Variants in MID1 observed in about 807,000 individuals in gnomAD.
MID1 encodes midline 1.
In MID1, 7 loss-of-function variants were observed where a neutral mutation model predicts 40.4. The observed-to-expected ratio is 0.17, with a 90% CI of 0.10 to 0.33. The LOEUF (loss-of-function observed/expected upper bound fraction) is 0.33, where lower values mean the gene tolerates loss of function less well. Ranked by LOEUF, MID1 falls within the 10% of genes least tolerant of loss-of-function variation. The pLI is 1.00. For synonymous variants in MID1, 229 were observed against 221.2 expected (o/e 1.04, Z -0.31); for missense variants, 367 against 558.5 (o/e 0.66, Z 3.46).
intron 7 of MID1, among the ~76,000 whole-genome samples, chrX:10,463,200 AATGTC>A (rs1929154047): frequency 8.9e-6 from 1 of 112,547 alleles, no homozygotes; most frequent in African/African-American, 3.2e-5. Flanking sequence ...AATAAAAATT[AATGTC>A]ATTACTTTTG....
At chrX:10,460,673 G>A (rs1928971528) in intron 7 of MID1, among the ~76,000 whole-genome samples, 1 of 110,510 alleles carries the variant, frequency 9.0e-6, no homozygotes, top group Non-Finnish European at 1.9e-5. Context: ...CTGGGAGAGG[G>A]CTGGGCCCCC....
chrX:10,760,144 G>A (rs748180127), intron 1 of MID1, among the ~76,000 whole-genome samples: 2 of 111,995 alleles, frequency 1.8e-5, no homozygotes, highest in Non-Finnish European at 3.8e-5. Context: ...TCAATGCTCA[G>A]TGCCTGACAA....
chrX:10,535,057 G>A lies in MID1; in HGVS notation c.661-11870C>T, dbSNP rs1010893731. On this transcript the variant is annotated intron_variant, in intron 2 of 9. Coordinates refer to ENST00000317552, the MANE Select transcript of MID1 (RefSeq NM_000381.4). Reference sequence around the variant, plus strand: ...GCCTTTGTCTATTCAAGATGATTTCGACTGAGTTGAAAGAAATGTGGAAAT... The same window carrying A: ...GCCTTTGTCTATTCAAGATGATTTCAACTGAGTTGAAAGAAATGTGGAAAT... Among the ~76,000 whole-genome samples the A allele has an allele frequency of 6.2e-5, 7 of 112,119 alleles. No individual in the cohort carries two copies. The South Asian group carries it at 1.8e-3, about 29-fold the overall frequency.
chrX:10,491,515 T>C lies in MID1; in HGVS notation c.864+4069A>G, dbSNP rs764723819. Among the ~76,000 whole-genome samples, 11 of 110,954 alleles carry C rather than the reference T, an allele frequency of 9.9e-5. No individual in the cohort carries two copies. In the South Asian group the frequency reaches 4.2e-3, roughly 43 times the overall value. ...CCTCCTGCCTCGGCCTCCCAAAGCG[T>C]TGGGACTACAGGTGTGAGCTACCAT... is the stretch of plus-strand genomic sequence containing the variant. On this transcript the variant is annotated intron_variant, in intron 4 of 9. Coordinates refer to ENST00000317552, the MANE Select transcript of MID1 (RefSeq NM_000381.4).
Position 10,627,894 on chromosome X carries a change from C to T in MID1, c.-186-7475G>A, listed in dbSNP as rs375785080. On this transcript the variant is annotated intron_variant, in intron 1 of 10. Transcript: ENST00000380785. Reference sequence around the variant, plus strand: ...GCTCCTTGCTTACAAAAAGTCAATGCTTTATCTTTTAGATTGGTACTTAAA... The same window carrying T: ...GCTCCTTGCTTACAAAAAGTCAATGTTTTATCTTTTAGATTGGTACTTAAA... Among the ~76,000 whole-genome samples, 399 of 111,840 alleles carry T rather than the reference C, an allele frequency of 3.6e-3. 5 individuals carry two copies. The highest frequency in any genetic ancestry group is 0.012 in the African/African-American group (382 of 30,826).
intron 1 of MID1, among the ~76,000 whole-genome samples, chrX:10,755,080 C>T (rs1181798973): frequency 3.6e-5 from 4 of 111,615 alleles, no homozygotes; most frequent in Admixed American, 9.5e-5. Flanking sequence ...AGCAAGAAAA[C>T]GTTAGTGTAA....
chrX:10,708,859 C>T (rs1330547520), intron 1 of MID1, among the ~76,000 whole-genome samples: 1 of 112,221 alleles, frequency 8.9e-6, no homozygotes, highest in Non-Finnish European at 1.9e-5. Context: ...AGGGATTCCA[C>T]TCCTTATCCA....
At chrX:10,803,483 G>A in intron 1 of MID1, among the ~76,000 whole-genome samples, 1 of 108,568 alleles carries the variant, frequency 9.2e-6, no homozygotes, top group South Asian at 4.1e-4. Context: ...CTCCCAAGTA[G>A]CTGGGATTTC....
intron 9 of MID1, among the ~76,000 whole-genome samples, chrX:10,451,663 A>G (rs1928348277): frequency 9.0e-6 from 1 of 111,536 alleles, no homozygotes. Context: ...AGGTCCTTTC[A>G]GTGTTGTTCT....
chrX:10,733,053 G>A (rs1322634800), intron 1 of MID1, among the ~76,000 whole-genome samples: 2 of 109,979 alleles, frequency 1.8e-5, no homozygotes, highest in East Asian at 2.9e-4. Context: ...TAGTAGAGAC[G>A]GGGTTTCACC....
intron 1 of MID1, among the ~76,000 whole-genome samples, chrX:10,814,550 C>T (rs2044122521): frequency 9.4e-6 from 1 of 105,934 alleles, no homozygotes; most frequent in Non-Finnish European, 1.9e-5. Context: ...CAATTTTGTC[C>T]AGATTTCTTC....
chrX:10,589,447 GC>G (rs1297848981), intron 1 of MID1: 1 of 111,032 alleles, frequency 9.0e-6, no homozygotes, highest in Non-Finnish European at 1.9e-5. Context: ...AATGGAGCGG[GC>G]AAGTTCCCAA....
rs374960502 is a variant in MID1 at position 10,459,746 on chromosome X, C to T, written c.1347G>A (p.Thr449=). Residue 449 remains threonine, a synonymous_variant, in exon 8 of 10, where the codon ACG becomes ACA. Coordinates refer to ENST00000317552, the MANE Select transcript of MID1 (RefSeq NM_000381.4). ...IVPNIKQNHY[T]VHGLQSGTKY... ...TGGTGCCGCTCTGCAGACCGTGCAC[C>T]GTGTAGTGGTTCTGCTTGATGTTGG... is the stretch of plus-strand genomic sequence containing the variant. The T allele has an allele frequency of 3.4e-5, 41 of 1,209,241 alleles. No homozygotes were observed. The Admixed American group carries it at 3.9e-4, about 12-fold the overall frequency.
At chrX:10,605,293 T>G (rs1185293984) in intron 1 of MID1, among the ~76,000 whole-genome samples, 2 of 112,021 alleles carry the variant, frequency 1.8e-5, no homozygotes, top group Non-Finnish European at 3.8e-5. Context: ...TCTTGGTCTA[T>G]AGAGAACATA....
chrX:10,594,472 G>A (rs1935374306), intron 1 of MID1, among the ~76,000 whole-genome samples: 1 of 111,441 alleles, frequency 9.0e-6, no homozygotes, highest in African/African-American at 3.3e-5. Flanking sequence ...TTTCCAAACT[G>A]GTATACTCAA....
chrX:10,502,160 A>G (rs746633402), intron 3 of MID1, among the ~76,000 whole-genome samples: 60 of 112,059 alleles, frequency 5.4e-4, no homozygotes, highest in South Asian at 2.3e-3. Context: ...AAATCTTTAG[A>G]AATATTTGGA....
At chrX:10,450,378 T>A (rs1928258057) in intron 9 of MID1, among the ~76,000 whole-genome samples, 1 of 112,470 alleles carries the variant, frequency 8.9e-6, no homozygotes, top group African/African-American at 3.2e-5. Context: ...CAGGGATAAA[T>A]CCTTTGTCAT....
chrX:10,454,792 C>T, intron 9 of MID1, 78 bp downstream of exon 9: 1 of 858,745 alleles, frequency 1.2e-6, no homozygotes, highest in Non-Finnish European at 1.7e-6. Flanking sequence ...AGATGCATTA[C>T]AGTATGGGTT....
Position 10,808,480 on chromosome X carries a change from C to A in MID1, c.-187+25074G>T, listed in dbSNP as rs1267085792. ...ATTATGGCACTCCTTTCTATGGCAA[C>A]CCCTCTCTATGGAGCTTCTCTCTCT... On this transcript the variant is annotated intron_variant, in intron 1 of 10. Transcript: ENST00000380785. 3.3e-4 allele frequency among the ~76,000 whole-genome samples: 36 copies of A among 110,603 alleles called. No homozygotes were observed. The Admixed American group carries it at 3.5e-3, about 11-fold the overall frequency.
Sources: gnomAD v4.1 joint callset for allele counts (sites outside exome capture counted in the v4.1 genomes callset) on GRCh38, gnomAD v4.1.1 for gene constraint, MANE v1.5 for transcripts, NCBI Gene and HGNC (gene_info 2026-07-23, HGNC 2026-07-21) for gene names.